SPTLC3: variants seen among roughly 807,000 people sequenced by gnomAD.
SPTLC3 encodes the protein serine palmitoyltransferase long chain base subunit 3, also known as serine palmitoyltransferase 3.
Under a neutral mutation model 59.3 loss-of-function variants are expected in SPTLC3, and 36 were observed. The ratio of observed to expected loss-of-function variants is 0.61; its 90% confidence interval spans 0.47 to 0.80. The LOEUF is 0.80. SPTLC3 is among the 30% of genes least tolerant of loss of function. The pLI, the probability that SPTLC3 is intolerant of heterozygous loss-of-function variation, is 0.00. For synonymous variants in SPTLC3, 257 were observed against 240.8 expected, an observed-to-expected ratio of 1.07 and a Z score of -0.62; for missense variants, 625 against 685.1, an observed-to-expected ratio of 0.91 and a Z score of 0.98.
chr20:13,030,864 G>T (rs760701976), intron 1 of SPTLC3, among the ~76,000 whole-genome samples: 11 of 152,172 alleles, frequency 7.2e-5, no homozygotes, highest in Non-Finnish European at 1.2e-4. Flanking sequence ...TCTTTGGGGA[G>T]GACCTTCTCT....
chr20:13,032,032 G>A (rs920961146), intron 1 of SPTLC3, among the ~76,000 whole-genome samples: 8 of 152,158 alleles, frequency 5.3e-5, no homozygotes, highest in Non-Finnish European at 1.0e-4. Flanking sequence ...GTAAATAAGA[G>A]CATGTCCATA....
chr20:13,111,022 T>C (rs2122706778), intron 7 of SPTLC3, among the ~76,000 whole-genome samples: 1 of 152,194 alleles, frequency 6.6e-6, no homozygotes, highest in Admixed American at 6.5e-5. Context: ...TTCTGCTGCA[T>C]GAGTGGATAA....
intron 1 of SPTLC3, among the ~76,000 whole-genome samples, chr20:13,043,940 T>C (rs987003538): frequency 2.0e-5 from 3 of 152,096 alleles, no homozygotes; most frequent in African/African-American, 4.8e-5. Flanking sequence ...AGAGTCCCCA[T>C]ATACAATGGT....
chr20:13,161,713 C>T (rs190715982), intron 11 of SPTLC3, among the ~76,000 whole-genome samples: 1 of 152,154 alleles, frequency 6.6e-6, no homozygotes, highest in Admixed American at 6.5e-5. Context: ...TTAGTAGGAA[C>T]TTGATGTTCC....
At chr20:13,145,747 A>G (rs1251945092) in intron 9 of SPTLC3, among the ~76,000 whole-genome samples, 1 of 152,224 alleles carries the variant, frequency 6.6e-6, no homozygotes, top group Admixed American at 6.5e-5. Flanking sequence ...CTATACTACA[A>G]GGCTACAGCA....
At position 13,091,126 on chromosome 20, in the gene SPTLC3, G is replaced by C. The variant is rs376023233; in HGVS notation, c.651G>C (p.Lys217Asn). The change falls in exon 5 of 12, where the codon AAG (lysine) becomes AAC (asparagine). Residue 217 changes from lysine (K) to asparagine (N), a missense_variant. Lys to Asn is a moderately conservative substitution (Grantham distance 94). Transcript: ENST00000399002. ...AGGAGTTGGAGGACCTTGTGGCTAA[G>C]TTCCTGAATGTGGAAGCAGCTATGG... ...KHKELEDLVA[K>N]FLNVEAAMVF... The C allele has an allele frequency of 1.2e-6, 2 of 1,614,090 alleles. No homozygotes were observed. Among genetic ancestry groups the C allele is most frequent in the East Asian group, 4.5e-5 (2 of 44,878 alleles).
intron 6 of SPTLC3, among the ~76,000 whole-genome samples, chr20:13,108,798 C>G (rs1225004164): frequency 6.6e-6 from 1 of 152,094 alleles, no homozygotes; most frequent in Admixed American, 6.6e-5. Flanking sequence ...AACTCCTGAC[C>G]TCAAAGATTT....
chr20:13,010,741 C>CT (rs1471242223), intron 1 of SPTLC3, among the ~76,000 whole-genome samples: 2 of 152,216 alleles, frequency 1.3e-5, no homozygotes, highest in African/African-American at 4.8e-5. Flanking sequence ...AACTCACAAG[C>CT]TATTCATCTA....
intron 7 of SPTLC3, among the ~76,000 whole-genome samples, chr20:13,111,017 C>T (rs921871031): frequency 6.6e-6 from 1 of 151,914 alleles, no homozygotes; most frequent in African/African-American, 2.4e-5. Context: ...ATTTTTTCTG[C>T]TGCATGAGTG....
At position 13,153,904 on chromosome 20, in the gene SPTLC3, G is replaced by A; in HGVS notation, c.1280-99G>A. The A allele has an allele frequency of 5.4e-6, 8 of 1,485,578 alleles. No homozygotes were observed. The Middle Eastern group carries it at 9.3e-4, about 172-fold the overall frequency. The allele number at this position is 1,485,578 out of a possible 1,614,324, so 92.0% of individuals were successfully genotyped here. On this transcript the variant is annotated intron_variant, in intron 9 of 11. Transcript: ENST00000399002. ...CTTCCTCCTCCCAGCTAGTGCTGCT[G>A]GCCTGCAGAAAGACTTAAAGATGCT...
At chr20:13,141,884 G>A (rs1201100457) in intron 9 of SPTLC3, among the ~76,000 whole-genome samples, 1 of 152,206 alleles carries the variant, frequency 6.6e-6, no homozygotes, top group East Asian at 1.9e-4. Flanking sequence ...CTTTTTGTGT[G>A]TGTGGACCTA....
chr20:13,097,824 A>G (rs2122645424), intron 6 of SPTLC3, among the ~76,000 whole-genome samples: 1 of 152,316 alleles, frequency 6.6e-6, no homozygotes, highest in East Asian at 1.9e-4. Context: ...GGCCCAGATT[A>G]AAGGATAAGA....
chr20:13,026,637 T>C (rs528840622), intron 1 of SPTLC3, among the ~76,000 whole-genome samples: 55 of 152,152 alleles, frequency 3.6e-4, no homozygotes, highest in Admixed American at 3.2e-3. Context: ...AACTGAATAG[T>C]AGAGTATAAT....
chr20:13,160,241 G>A, intron 11 of SPTLC3, 109 bp downstream of exon 11: 1 of 1,339,036 alleles, frequency 7.5e-7, no homozygotes, highest in South Asian at 2.0e-5. Flanking sequence ...GGGTTATTTA[G>A]GAAAACAACA....
chr20:13,087,735 A>G (rs1989049986), intron 4 of SPTLC3, among the ~76,000 whole-genome samples: 2 of 152,174 alleles, frequency 1.3e-5, no homozygotes, highest in African/African-American at 4.8e-5. Context: ...ATGGCATCTC[A>G]CACACAGTAT....
intron 1 of SPTLC3, among the ~76,000 whole-genome samples, chr20:13,026,003 T>A (rs1314623028): frequency 6.6e-6 from 1 of 152,170 alleles, no homozygotes; most frequent in African/African-American, 2.4e-5. Flanking sequence ...CCTGCATTAG[T>A]TTGCTAAGGA....
At chr20:13,147,956 C>G (rs2038553823) in intron 9 of SPTLC3, among the ~76,000 whole-genome samples, 1 of 152,202 alleles carries the variant, frequency 6.6e-6, no homozygotes, top group Non-Finnish European at 1.5e-5. Context: ...TAGACCATGA[C>G]AATGGTATTG....
chr20:13,164,902 C>A lies in SPTLC3; in HGVS notation c.*35C>A, dbSNP rs371448672. ...TCCTGAATGACACATAAAGACTTTG[C>A]GAGAAAGACCTCCCTCCTTGCCTCA... On this transcript the variant is annotated 3_prime_UTR_variant, in exon 12 of 12. Transcript: ENST00000399002. 2.0e-6 allele frequency: 3 copies of A among 1,523,322 alleles called. No homozygotes were observed. The highest frequency in any genetic ancestry group is 4.6e-5 in the East Asian group (2 of 43,308). 94.4% of individuals were successfully genotyped at this position (1,523,322 alleles called of 1,614,324 possible).
At chr20:13,119,750 C>T (rs1186639468) in intron 8 of SPTLC3, among the ~76,000 whole-genome samples, 2 of 152,220 alleles carry the variant, frequency 1.3e-5, no homozygotes, top group Admixed American at 1.3e-4. Flanking sequence ...TTAGCCTACG[C>T]TGAGATCTGC....
Sources: gnomAD v4.1 joint callset for allele counts (sites outside exome capture counted in the v4.1 genomes callset) on GRCh38, gnomAD v4.1.1 for gene constraint, MANE v1.5 for transcripts, NCBI Gene and HGNC (gene_info 2026-07-23, HGNC 2026-07-21) for gene names.